HMGCLL1: variants seen among roughly 807,000 people sequenced by gnomAD.
The protein encoded by HMGCLL1 is 3-hydroxy-3-methylglutaryl-CoA lyase like 1.
Under a neutral mutation model 39.1 loss-of-function variants are expected in HMGCLL1, and 36 were observed. The ratio of observed to expected loss-of-function variants is 0.92; its 90% CI spans 0.71 to 1.22. The LOEUF is 1.22. Ranked by LOEUF, HMGCLL1 falls within the 50% of genes most tolerant of loss-of-function variation. The pLI is 0.00. For synonymous variants in HMGCLL1, 149 were observed against 144.0 expected (o/e 1.03, Z -0.25); for missense variants, 451 against 416.5 (o/e 1.08, Z -0.72).
intron 1 of HMGCLL1, among the ~76,000 whole-genome samples, chr6:55,542,560 A>T (rs1769510011): frequency 6.6e-6 from 1 of 151,718 alleles, no homozygotes; most frequent in East Asian, 1.9e-4. Context: ...TGGGAGGATC[A>T]TGAGGTCAGG....
At chr6:55,577,252 T>C (rs962245007) in intron 1 of HMGCLL1, 11 of 1,484,480 alleles carry the variant, frequency 7.4e-6, no homozygotes, top group Non-Finnish European at 2.7e-6. Context: ...AAAATCACAA[T>C]TCAACAGTAT....
the HMGCLL1 span, among the ~76,000 whole-genome samples, chr6:55,624,383 T>C: frequency 6.6e-6 from 1 of 152,174 alleles, no homozygotes; most frequent in East Asian, 1.9e-4. Context: ...GTACATTGCA[T>C]GCAGCCATTG....
At chr6:55,660,718 T>C in the HMGCLL1 span, among the ~76,000 whole-genome samples, 1 of 151,966 alleles carries the variant, frequency 6.6e-6, no homozygotes, top group Non-Finnish European at 1.5e-5. Context: ...TTTATATTCC[T>C]TTGGGTATAT....
the HMGCLL1 span, among the ~76,000 whole-genome samples, chr6:55,588,408 T>G: frequency 6.7e-6 from 1 of 148,390 alleles, no homozygotes; most frequent in Non-Finnish European, 1.5e-5. Context: ...TAAAACAGTG[T>G]ATAGAGGGAA....
intron 1 of HMGCLL1, among the ~76,000 whole-genome samples, chr6:55,560,016 A>G (rs929522553): frequency 1.2e-4 from 18 of 152,224 alleles, no homozygotes; most frequent in African/African-American, 4.3e-4. Flanking sequence ...TCATTCCTGT[A>G]TTCACTAATT....
intron 7 of HMGCLL1, among the ~76,000 whole-genome samples, chr6:55,482,621 T>G (rs969322882): frequency 6.6e-6 from 1 of 152,146 alleles, no homozygotes; most frequent in South Asian, 2.1e-4. Flanking sequence ...AAGTCATGGG[T>G]TTTGGTTACT....
the HMGCLL1 span, among the ~76,000 whole-genome samples, chr6:55,672,664 A>G: frequency 7.2e-5 from 11 of 151,932 alleles, no homozygotes; most frequent in Non-Finnish European, 1.5e-4. Flanking sequence ...TTAGCCTTGA[A>G]CATAAGAAGT....
chr6:55,602,860 A>T, the HMGCLL1 span, among the ~76,000 whole-genome samples: 1 of 152,102 alleles, frequency 6.6e-6, no homozygotes, highest in Non-Finnish European at 1.5e-5. Flanking sequence ...ATAAAATAAC[A>T]TTTCTTGTTT....
intron 7 of HMGCLL1, among the ~76,000 whole-genome samples, chr6:55,476,878 G>A (rs981770901): frequency 4.8e-5 from 7 of 146,550 alleles, no homozygotes; most frequent in Non-Finnish European, 7.4e-5. Flanking sequence ...ATTAGGAGGG[G>A]GCAGAACAGT....
chr6:55,455,561 T>A (rs1183856092), intron 7 of HMGCLL1, among the ~76,000 whole-genome samples: 1 of 152,204 alleles, frequency 6.6e-6, no homozygotes, highest in Non-Finnish European at 1.5e-5. Context: ...ATTGTGGATA[T>A]TTGCCTTGGA....
chr6:55,620,867 T>C, the HMGCLL1 span, among the ~76,000 whole-genome samples: 1 of 152,196 alleles, frequency 6.6e-6, no homozygotes, highest in African/African-American at 2.4e-5. Context: ...CAGCACCATT[T>C]ATTGATGAAG....
At chr6:55,446,261 C>T (rs538929481) in intron 7 of HMGCLL1, among the ~76,000 whole-genome samples, 262 of 148,016 alleles carry the variant, frequency 1.8e-3, no homozygotes, top group South Asian at 0.012. Context: ...ACATATATAA[C>T]ATGTATATTT....
the HMGCLL1 span, among the ~76,000 whole-genome samples, chr6:55,659,885 A>C: frequency 6.6e-6 from 1 of 151,900 alleles, no homozygotes; most frequent in Non-Finnish European, 1.5e-5. Flanking sequence ...TCAGTTCTAA[A>C]TCTTCTTGTA....
At chr6:55,657,090 T>G in the HMGCLL1 span, among the ~76,000 whole-genome samples, 1 of 152,078 alleles carries the variant, frequency 6.6e-6, no homozygotes, top group African/African-American at 2.4e-5. Context: ...TTACAGATGC[T>G]GGATATTATA....
chr6:55,669,434 G>A, the HMGCLL1 span, among the ~76,000 whole-genome samples: 1 of 151,748 alleles, frequency 6.6e-6, no homozygotes, highest in Non-Finnish European at 1.5e-5. Flanking sequence ...ACAAGACTCA[G>A]CCCCACAATA....
chr6:55,577,304 C>G (rs1771808374), intron 1 of HMGCLL1: 1 of 1,132,276 alleles, frequency 8.8e-7, no homozygotes, highest in East Asian at 2.9e-5. Flanking sequence ...CCCGAGAACA[C>G]AAAAAGAAGC....
intron 7 of HMGCLL1, among the ~76,000 whole-genome samples, chr6:55,444,627 C>G (rs1404815881): frequency 6.6e-6 from 1 of 151,904 alleles, no homozygotes; most frequent in Non-Finnish European, 1.5e-5. Flanking sequence ...ATATAAAGTG[C>G]TAATGGTAAT....
At chr6:55,518,438 TC>T (rs746188168) in intron 3 of HMGCLL1, among the ~76,000 whole-genome samples, 5 of 152,294 alleles carry the variant, frequency 3.3e-5, no homozygotes, top group Non-Finnish European at 5.9e-5. Flanking sequence ...TGTATGTTCT[TC>T]CAGGATCTCA....
the HMGCLL1 span, among the ~76,000 whole-genome samples, chr6:55,655,072 T>C: frequency 2.6e-5 from 4 of 152,002 alleles, no homozygotes; most frequent in Non-Finnish European, 5.9e-5. Context: ...TAAATGTTTT[T>C]TCTTCAGCAT....
Sources: gnomAD v4.1 joint callset for allele counts (sites outside exome capture counted in the v4.1 genomes callset) on GRCh38, gnomAD v4.1.1 for gene constraint, MANE v1.5 for transcripts, NCBI Gene and HGNC (gene_info 2026-07-23, HGNC 2026-07-21) for gene names.